The following FHIP1A variants were observed in gnomAD, a reference collection of about 807,000 sequenced individuals.
FHIP1A encodes the protein FHF complex subunit HOOK-interacting protein 1A.
In FHIP1A, 61 loss-of-function variants were observed where a neutral mutation model predicts 88.6. That is an observed-to-expected ratio of 0.69 (90% CI 0.56 to 0.85). FHIP1A has a LOEUF of 0.85. Ranked by LOEUF, FHIP1A falls within the 40% of genes least tolerant of loss-of-function variation. FHIP1A has a pLI of 0.00. For synonymous variants in FHIP1A, 478 were observed against 496.0 expected (o/e 0.96, Z 0.48); for missense variants, 1,154 against 1,273.5 (o/e 0.91, Z 1.43).
At chr4:151,583,986 A>G (rs889621812) in intron 5 of FHIP1A, among the ~76,000 whole-genome samples, 9 of 152,216 alleles carry the variant, frequency 5.9e-5, no homozygotes, top group African/African-American at 1.9e-4. Flanking sequence ...CGTACTTAAC[A>G]TAGTACCTGG....
At chr4:151,471,194 A>G (rs965851535) in intron 2 of FHIP1A, among the ~76,000 whole-genome samples, 37 of 152,048 alleles carry the variant, frequency 2.4e-4, no homozygotes, top group African/African-American at 8.7e-4. Context: ...AATAGATTCA[A>G]GATATGAGGA....
chr4:151,503,195 G>C (rs767589495), intron 3 of FHIP1A, among the ~76,000 whole-genome samples: 4 of 152,246 alleles, frequency 2.6e-5, no homozygotes, highest in Non-Finnish European at 5.9e-5. Context: ...ATACTGCTTT[G>C]CTTTGGGAGC....
chr4:151,565,344 C>G (rs1733346424), intron 3 of FHIP1A, among the ~76,000 whole-genome samples: 1 of 152,052 alleles, frequency 6.6e-6, no homozygotes, highest in Admixed American at 6.6e-5. Context: ...TACTTGCTGT[C>G]TGGTAGTCAG....
At chr4:151,473,535 G>A (rs1362307385) in intron 2 of FHIP1A, among the ~76,000 whole-genome samples, 1 of 151,980 alleles carries the variant, frequency 6.6e-6, no homozygotes, top group Non-Finnish European at 1.5e-5. Flanking sequence ...TTAAAATCTT[G>A]CAACATTTTT....
chr4:151,591,181 C>T (rs1371576518), intron 7 of FHIP1A, among the ~76,000 whole-genome samples: 1 of 151,556 alleles, frequency 6.6e-6, no homozygotes, highest in Non-Finnish European at 1.5e-5. Flanking sequence ...GCTCTTGGCT[C>T]CTTATGTGGT....
At chr4:151,568,536 A>G (rs1733476246) in intron 4 of FHIP1A, among the ~76,000 whole-genome samples, 2 of 152,180 alleles carry the variant, frequency 1.3e-5, no homozygotes, top group African/African-American at 4.8e-5. Flanking sequence ...TGAATGTAAA[A>G]GTGTTATTGT....
At chr4:151,451,024 C>T (rs1728771065) in intron 1 of FHIP1A, among the ~76,000 whole-genome samples, 1 of 152,092 alleles carries the variant, frequency 6.6e-6, no homozygotes, top group Non-Finnish European at 1.5e-5. Context: ...GTGATCCACC[C>T]TGCTAGGCCT....
At chr4:151,570,988 T>C (rs1733580961) in intron 4 of FHIP1A, among the ~76,000 whole-genome samples, 2 of 152,216 alleles carry the variant, frequency 1.3e-5, no homozygotes, top group Non-Finnish European at 2.9e-5. Context: ...TGCCTTTGTT[T>C]CTTTGTTTTT....
At chr4:151,533,904 TAATC>T (rs1731974786) in intron 3 of FHIP1A, among the ~76,000 whole-genome samples, 1 of 152,266 alleles carries the variant, frequency 6.6e-6, no homozygotes, top group African/African-American at 2.4e-5. Flanking sequence ...TAGAGATTTG[TAATC>T]AATCATTCAT....
chr4:151,612,470 T>C (rs573683795), intron 7 of FHIP1A, among the ~76,000 whole-genome samples: 1 of 152,206 alleles, frequency 6.6e-6, no homozygotes, highest in Non-Finnish European at 1.5e-5. Flanking sequence ...AACCTCCGCC[T>C]TCCGGCTTCA....
At chr4:151,451,636 C>T (rs1728792655) in intron 1 of FHIP1A, among the ~76,000 whole-genome samples, 1 of 152,120 alleles carries the variant, frequency 6.6e-6, no homozygotes, top group Non-Finnish European at 1.5e-5. Context: ...TTTCTTCCTA[C>T]TGATCCTTTG....
intron 3 of FHIP1A, among the ~76,000 whole-genome samples, chr4:151,508,254 C>T (rs1442701734): frequency 2.0e-5 from 3 of 152,176 alleles, no homozygotes; most frequent in African/African-American, 4.8e-5. Flanking sequence ...TGGAAAACAA[C>T]CCCTTTTGGA....
At chr4:151,471,676 T>G (rs1325196515) in intron 2 of FHIP1A, among the ~76,000 whole-genome samples, 1 of 152,090 alleles carries the variant, frequency 6.6e-6, no homozygotes, top group Admixed American at 6.6e-5. Context: ...CATGAGTAAG[T>G]TCTTTAGTGG....
At chr4:151,468,685 A>C (rs1230621748) in intron 2 of FHIP1A, among the ~76,000 whole-genome samples, 3 of 152,192 alleles carry the variant, frequency 2.0e-5, no homozygotes, top group Non-Finnish European at 4.4e-5. Context: ...TTTAGATGTT[A>C]CCTTAGTTGG....
rs1467155982 is a variant in FHIP1A at position 151,460,340 on chromosome 4, A to G, written c.-248+5532A>G. Among the ~76,000 whole-genome samples, 5 of 152,206 alleles carry G rather than the reference A, an allele frequency of 3.3e-5. No individual in the cohort carries two copies. The East Asian group carries it at 9.6e-4, about 29-fold the overall frequency. ...AATGAATGAAGTGTTTCAGAGCACA[A>G]CATTTGGGAAAACTATGTATTACAT... is the stretch of plus-strand genomic sequence containing the variant. On this transcript the variant is annotated intron_variant, in intron 2 of 13. Coordinates refer to ENST00000435205, the MANE Select transcript of FHIP1A (RefSeq NM_001109977.3).
chr4:151,540,135 T>G (rs1732231320), intron 3 of FHIP1A, among the ~76,000 whole-genome samples: 2 of 152,226 alleles, frequency 1.3e-5, no homozygotes, highest in Admixed American at 6.5e-5. Flanking sequence ...TTTTTTAAGT[T>G]TCATGATTAA....
chr4:151,646,509 G>T, intron 9 of FHIP1A, 49 bp from the exon 10 acceptor site: 2 of 1,351,946 alleles, frequency 1.5e-6, no homozygotes, highest in South Asian at 1.3e-5. Flanking sequence ...TCCCAGTAAT[G>T]GTTCAAGACA....
In FHIP1A at chr4:151,665,168, G is replaced by A. The variant is rs573757714; in HGVS notation, c.*2414G>A. Among the ~76,000 whole-genome samples the A allele has an allele frequency of 7.2e-5, 11 of 152,174 alleles. No homozygotes were observed. The South Asian group carries it at 1.5e-3, about 20-fold the overall frequency. On this transcript the variant is annotated 3_prime_UTR_variant, in exon 14 of 14. Transcript: ENST00000435205. ...TTTTTGGTATAGTTTGTAGAGATGG[G>A]GTTTCACCTTGTTGCCCAGGCTGGT...
chr4:151,516,996 T>C (rs1311490507), intron 3 of FHIP1A, among the ~76,000 whole-genome samples: 2 of 152,196 alleles, frequency 1.3e-5, no homozygotes, highest in African/African-American at 2.4e-5. Context: ...TAAAGACACA[T>C]GCACACGTAT....
Sources: gnomAD v4.1 joint callset for allele counts (sites outside exome capture counted in the v4.1 genomes callset) on GRCh38, gnomAD v4.1.1 for gene constraint, MANE v1.5 for transcripts, NCBI Gene and HGNC (gene_info 2026-07-23, HGNC 2026-07-21) for gene names.